Variants in NMU observed in about 807,000 individuals in gnomAD.
The protein encoded by NMU is neuromedin U.
In NMU, 29 loss-of-function variants were observed where a neutral mutation model predicts 35.4. The observed-to-expected ratio is 0.82, with a 90% CI of 0.61 to 1.12. The LOEUF is 1.12. Among genes scored for constraint, NMU ranks in the 50% most tolerant of loss-of-function variants. The pLI, the probability that NMU is intolerant of heterozygous loss-of-function variation, is 0.00. For missense variants in NMU, 199 were observed against 206.2 expected, an observed-to-expected ratio of 0.97 and a Z score of 0.21; for synonymous variants, 78 against 81.3, an observed-to-expected ratio of 0.96 and a Z score of 0.22.
intron 7 of NMU, among the ~76,000 whole-genome samples, chr4:55,602,566 C>T (rs957507820): frequency 3.9e-5 from 6 of 152,294 alleles, no homozygotes; most frequent in African/African-American, 1.4e-4. Flanking sequence ...AATGTAGTCA[C>T]ACTAATGATT....
intron 2 of NMU, among the ~76,000 whole-genome samples, chr4:55,617,467 C>G (rs1734150992): frequency 1.3e-5 from 2 of 152,058 alleles, no homozygotes; most frequent in South Asian, 4.1e-4. Context: ...CACCCACCCA[C>G]CTGGTCCCTC....
chr4:55,612,341 G>A (rs1253713070), intron 3 of NMU, among the ~76,000 whole-genome samples: 1 of 152,102 alleles, frequency 6.6e-6, no homozygotes, highest in Non-Finnish European at 1.5e-5. Context: ...TCGTAGCTGT[G>A]GCGAGCTATA....
At chr4:55,627,803 C>G (rs764637976) in intron 2 of NMU, among the ~76,000 whole-genome samples, 4 of 152,102 alleles carry the variant, frequency 2.6e-5, no homozygotes, top group Non-Finnish European at 5.9e-5. Flanking sequence ...CAGTTATAGA[C>G]TAGAAGAGAA....
chr4:55,603,243 C>A (rs1733498980), intron 7 of NMU, among the ~76,000 whole-genome samples: 2 of 151,992 alleles, frequency 1.3e-5, no homozygotes, highest in South Asian at 4.2e-4. Flanking sequence ...AACTCCTGAC[C>A]TCAGGTGATC....
chr4:55,611,995 G>A (rs1160663483), intron 3 of NMU, among the ~76,000 whole-genome samples: 1 of 152,150 alleles, frequency 6.6e-6, no homozygotes, highest in African/African-American at 2.4e-5. Flanking sequence ...GGAGGAGTGT[G>A]GCCTGGGACC....
intron 3 of NMU, among the ~76,000 whole-genome samples, chr4:55,611,223 T>G (rs1733919186): frequency 6.6e-6 from 1 of 151,650 alleles, no homozygotes; most frequent in Admixed American, 6.6e-5. Context: ...ATTAGCCAGG[T>G]GTGGTGGTGC....
At chr4:55,600,280 T>A (rs143507505) in intron 8 of NMU, among the ~76,000 whole-genome samples, 4 of 152,088 alleles carry the variant, frequency 2.6e-5, no homozygotes, top group Admixed American at 2.0e-4. Context: ...AAGTGTCAAA[T>A]AGGTGAATGC....
intron 2 of NMU, among the ~76,000 whole-genome samples, chr4:55,619,742 C>T (rs1734301324): frequency 7.0e-6 from 1 of 143,486 alleles, no homozygotes; most frequent in Non-Finnish European, 1.5e-5. Flanking sequence ...ACAGCAGTAA[C>T]CTCTGCAGAC....
intron 3 of NMU, among the ~76,000 whole-genome samples, chr4:55,609,705 TG>T (rs1475876195): frequency 6.6e-6 from 1 of 152,210 alleles, no homozygotes; most frequent in Non-Finnish European, 1.5e-5. Context: ...GATTGCTGAC[TG>T]CACAGCCCAG....
intron 3 of NMU, among the ~76,000 whole-genome samples, chr4:55,615,762 T>A (rs151129179): frequency 8.8e-4 from 134 of 152,270 alleles, no homozygotes; most frequent in African/African-American, 3.1e-3. Context: ...TACCCAATAG[T>A]TACTGATCCT....
chr4:55,616,215 GTAA>G (rs1734104580), intron 3 of NMU, 120 bp downstream of exon 3: 1 of 744,210 alleles, frequency 1.3e-6, no homozygotes, highest in South Asian at 1.5e-5. Flanking sequence ...TACAGCAAAT[GTAA>G]TAATATCTCA....
chr4:55,618,083 G>C (rs1734178769), intron 2 of NMU, among the ~76,000 whole-genome samples: 1 of 152,168 alleles, frequency 6.6e-6, no homozygotes, highest in Admixed American at 6.5e-5. Context: ...GAATGCCACT[G>C]ACTGCTTTTG....
At chr4:55,616,566 C>T (rs1210770689) in intron 2 of NMU, among the ~76,000 whole-genome samples, 181 bp from the exon 3 acceptor site, 2 of 152,130 alleles carry the variant, frequency 1.3e-5, no homozygotes, top group Non-Finnish European at 1.5e-5. Context: ...ATGAGACTTC[C>T]CTCAAGATGT....
chr4:55,613,892 T>A (rs1734025109), intron 3 of NMU, among the ~76,000 whole-genome samples: 1 of 152,088 alleles, frequency 6.6e-6, no homozygotes, highest in African/African-American at 2.4e-5. Flanking sequence ...ACCAAGCATA[T>A]GAAGAAACCC....
At chr4:55,609,783 G>A (rs1225599558) in intron 3 of NMU, among the ~76,000 whole-genome samples, 2 of 152,170 alleles carry the variant, frequency 1.3e-5, no homozygotes, top group African/African-American at 4.8e-5. Flanking sequence ...AGCCAGCTGG[G>A]TGTGGTAAGG....
At chr4:55,629,819 A>C (rs1253059193) in intron 2 of NMU, among the ~76,000 whole-genome samples, 1 of 151,756 alleles carries the variant, frequency 6.6e-6, no homozygotes, top group Non-Finnish European at 1.5e-5. Flanking sequence ...CTGTTGATTT[A>C]CCTATTTTTT....
chr4:55,630,117 A>G (rs1020134539), intron 2 of NMU, among the ~76,000 whole-genome samples: 2 of 152,158 alleles, frequency 1.3e-5, no homozygotes, highest in East Asian at 1.9e-4. Context: ...AAAAAATCCA[A>G]TCTTAGAATC....
chr4:55,609,017 G>C, intron 4 of NMU, 103 bp downstream of exon 4: 1 of 936,470 alleles, frequency 1.1e-6, no homozygotes. Context: ...CTTCTAACCT[G>C]TCTTGGCATG....
chr4:55,625,500 A>C (rs984218667), intron 2 of NMU, among the ~76,000 whole-genome samples: 1 of 152,144 alleles, frequency 6.6e-6, no homozygotes, highest in Non-Finnish European at 1.5e-5. Flanking sequence ...TTTCTATACT[A>C]TTGAACACTG....
Sources: gnomAD v4.1 joint callset for allele counts (sites outside exome capture counted in the v4.1 genomes callset) on GRCh38, gnomAD v4.1.1 for gene constraint, MANE v1.5 for transcripts, NCBI Gene and HGNC (gene_info 2026-07-23, HGNC 2026-07-21) for gene names.